The following PPIE variants were observed in gnomAD, a reference collection of about 807,000 sequenced individuals.
PPIE encodes the protein peptidyl-prolyl cis-trans isomerase E.
Under a neutral mutation model 38.4 loss-of-function variants are expected in PPIE, and 20 were observed. That is an observed-to-expected ratio of 0.52 (90% CI 0.37 to 0.76). The LOEUF (loss-of-function observed/expected upper bound fraction) is 0.76. Among genes scored for constraint, PPIE ranks in the 30% least tolerant of loss-of-function variants. The pLI is 0.00. For synonymous variants in PPIE, 142 were observed against 135.7 expected (o/e 1.05, Z -0.32); for missense variants, 322 against 385.8 (o/e 0.83, Z 1.39).
In PPIE at chr1:39,755,384, T is replaced by C. The variant is rs1648156557; in HGVS notation, c.*2029T>C. The stretch of plus-strand genomic sequence containing the variant: ...TGGCTCCCATGTGCCGACTGGACTT[T>C]GTGAGCTCCAGCTGCTACAGTTGAC... On this transcript the variant is annotated 3_prime_UTR_variant, in exon 10 of 10. Transcript: ENST00000324379. The C allele has an allele frequency of 1.0e-6, 1 of 985,450 alleles. No individual in the cohort carries two copies. Among genetic ancestry groups the C allele is most frequent in the Non-Finnish European group, 1.2e-6 (1 of 829,936 alleles). 61.0% of individuals were successfully genotyped at this position (985,450 alleles called of 1,614,324 possible).
downstream of PPIE, chr1:39,760,310 T>C: frequency 1.7e-5 from 26 of 1,521,052 alleles, no homozygotes; most frequent in Non-Finnish European, 2.1e-5. Context: ...GTGAGGGTCC[T>C]CCCTGGCAAT....
chr1:39,752,237 C>T (rs970114062), intron 8 of PPIE, among the ~76,000 whole-genome samples: 4 of 152,198 alleles, frequency 2.6e-5, no homozygotes, highest in African/African-American at 9.7e-5. Context: ...AGACTGGCAT[C>T]TGCATGCTGA....
At chr1:39,757,717 A>G (rs1045371961), downstream of PPIE, 1 of 152,222 alleles carries the variant, frequency 6.6e-6, no homozygotes, top group Non-Finnish European at 1.5e-5. Flanking sequence ...GAGCAAAGAA[A>G]AGGGAAATGG....
rs528406125 is a variant in PPIE at position 39,738,996 on chromosome 1, G to A, written c.31+65G>A. 18 of 1,377,646 alleles carry A rather than the reference G, an allele frequency of 1.3e-5. No homozygotes were observed. In the South Asian group the frequency reaches 1.9e-4, roughly 14 times the overall value. The allele number at this position is 1,377,646 out of a possible 1,614,324, so 85.3% of individuals were successfully genotyped here. The stretch of plus-strand genomic sequence containing the variant: ...CGACCCCCAAGGGTCGGGGCGTGGG[G>A]TGGGACGCATCTCTGAACCAGGAGG... On this transcript the variant is annotated intron_variant, in intron 1 of 9. Transcript: ENST00000324379.
chr1:39,739,134 CT>C, intron 1 of PPIE: 1 of 445,126 alleles, frequency 2.2e-6, no homozygotes, highest in South Asian at 8.3e-5. Context: ...GTGCAGACTT[CT>C]TAGCAGTACG....
Position 39,756,615 on chromosome 1 carries a change from C to T in PPIE, c.*3260C>T, listed in dbSNP as rs1173821022. 1.0e-6 allele frequency: 1 copy of T among 985,208 alleles called. No homozygotes were observed. The highest frequency in any genetic ancestry group is 4.7e-5 in the South Asian group (1 of 21,282). 61.0% of individuals were successfully genotyped at this position (985,208 alleles called of 1,614,324 possible). On this transcript the variant is annotated 3_prime_UTR_variant, in exon 10 of 10. Coordinates refer to ENST00000324379, the MANE Select transcript of PPIE (RefSeq NM_006112.4). ...GTTGAAAATGGAGTCTTGTAGAGTTCAGTGATGGGAAACTAAAGTAGAAAA... is the reference window on the plus strand; with the variant it reads ...GTTGAAAATGGAGTCTTGTAGAGTTTAGTGATGGGAAACTAAAGTAGAAAA...
intron 5 of PPIE, 36 bp from the exon 6 acceptor site, chr1:39,743,788 G>A: frequency 6.4e-7 from 1 of 1,563,168 alleles, no homozygotes; most frequent in Non-Finnish European, 8.8e-7. Flanking sequence ...CAAGCTGACA[G>A]CTTGAATGAA....
rs1648249970 is a variant in PPIE, at chr1:39,756,185, CCT to C, written c.*2835_*2836del. On this transcript the variant is annotated 3_prime_UTR_variant, in exon 10 of 10. Transcript: ENST00000324379. ...CCTGGCTGCCTCGGGAAAACTCTGACCTCTCTGGGAAGTGGAGCCAGTGGCTC... is the reference window on the plus strand; with the variant it reads ...CCTGGCTGCCTCGGGAAAACTCTGACCTCTGGGAAGTGGAGCCAGTGGCTC... 3.0e-6 allele frequency: 3 copies of C among 985,456 alleles called. No individual in the cohort carries two copies. Among genetic ancestry groups the C allele is most frequent in the Non-Finnish European group, 2.4e-6 (2 of 829,938 alleles). The allele number at this position is 985,456 out of a possible 1,614,324, so 61.0% of individuals were successfully genotyped here. A position where few individuals can be genotyped will look rare whatever the true frequency, so the allele number is the denominator to read the frequency against.
chr1:39,740,418 A>G (rs1341460486), intron 2 of PPIE, among the ~76,000 whole-genome samples, 155 bp downstream of exon 2: 1 of 152,228 alleles, frequency 6.6e-6, no homozygotes, highest in East Asian at 1.9e-4. Flanking sequence ...ATCTCGATGG[A>G]GAAGGAATGT....
At chr1:39,762,579 G>C (rs1487581625) in intron 9 of PPIE, 1 of 1,550,238 alleles carries the variant, frequency 6.5e-7, no homozygotes, top group East Asian at 2.4e-5. Context: ...ATGGCCAAGA[G>C]AGAAACTGGG....
At chr1:39,743,365 T>C (rs780134440) in intron 5 of PPIE, 68 bp downstream of exon 5, 4 of 1,404,298 alleles carry the variant, frequency 2.8e-6, no homozygotes, top group Non-Finnish European at 4.0e-6. Context: ...ATTTTTTGTC[T>C]CTATTTACTT....
intron 4 of PPIE, chr1:39,742,752 C>T: frequency 6.6e-6 from 1 of 152,160 alleles, no homozygotes; most frequent in Non-Finnish European, 1.5e-5. Context: ...TCAATTTTAC[C>T]ACGAAATCTT....
chr1:39,749,175 G>C, intron 8 of PPIE, 87 bp downstream of exon 8: 6 of 1,393,628 alleles, frequency 4.3e-6, no homozygotes, highest in Non-Finnish European at 3.9e-6. Flanking sequence ...TGTAGTTCTG[G>C]CTGGCGGACA....
intron 9 of PPIE, chr1:39,762,514 A>G (rs749209259): frequency 7.1e-6 from 11 of 1,549,490 alleles, no homozygotes; most frequent in Non-Finnish European, 9.6e-6. Context: ...TTTGTCCTTT[A>G]AGGTTGCCCC....
At chr1:39,741,992 A>G in intron 4 of PPIE, 71 bp downstream of exon 4, 1 of 1,539,886 alleles carries the variant, frequency 6.5e-7, no homozygotes, top group Non-Finnish European at 9.0e-7. Flanking sequence ...TTCATATATC[A>G]GTGTTCTGGA....
chr1:39,741,479 T>C (rs1421511304), intron 3 of PPIE, 70 bp downstream of exon 3: 15 of 1,554,950 alleles, frequency 9.6e-6, no homozygotes, highest in Non-Finnish European at 1.3e-5. Flanking sequence ...AGGAAGCTTT[T>C]CACCATTTGG....
intron 1 of PPIE, chr1:39,739,957 C>T (rs1251738559): frequency 1.4e-5 from 7 of 512,346 alleles, no homozygotes; most frequent in Non-Finnish European, 2.4e-5. Context: ...TTGCAGTAAT[C>T]CCAGGACTAG....
chr1:39,762,731 C>T, intron 9 of PPIE: 3 of 1,425,544 alleles, frequency 2.1e-6, no homozygotes, highest in Non-Finnish European at 2.8e-6. Flanking sequence ...ACTCGGCGGC[C>T]CGTGTGCTAA....
intron 8 of PPIE, among the ~76,000 whole-genome samples, chr1:39,751,370 G>GT (rs142554304): frequency 0.1 from 15,829 of 151,980 alleles, 955 homozygotes; most frequent in African/African-American, 0.18. Flanking sequence ...TTTGGTTTTT[G>GT]TTTTTTTGAG....
Sources: gnomAD v4.1 joint callset for allele counts (sites outside exome capture counted in the v4.1 genomes callset) on GRCh38, gnomAD v4.1.1 for gene constraint, MANE v1.5 for transcripts, NCBI Gene and HGNC (gene_info 2026-07-23, HGNC 2026-07-21) for gene names.